The following MECOM variants were observed in gnomAD, a reference collection of about 807,000 sequenced individuals.
MECOM encodes the protein MDS1 and EVI1 complex locus.
MECOM carries 13 observed loss-of-function variants against 116.3 expected under a neutral mutation model. That is an observed-to-expected ratio of 0.11 (90% CI 0.07 to 0.18). The LOEUF is 0.18. MECOM is among the 10% of genes least tolerant of loss of function. The pLI, the probability that MECOM is intolerant of heterozygous loss-of-function variation, is 1.00. For synonymous variants in MECOM, 528 were observed against 535.2 expected, an observed-to-expected ratio of 0.99 and a Z score of 0.19; for missense variants, 1,299 against 1,509.0, an observed-to-expected ratio of 0.86 and a Z score of 2.31.
chr3:169,245,048 C>T (rs970143066), intron 2 of MECOM, among the ~76,000 whole-genome samples: 3 of 152,108 alleles, frequency 2.0e-5, no homozygotes, highest in Admixed American at 2.0e-4. Context: ...AAATTTTAAT[C>T]CTGTTTTAAC....
intron 1 of MECOM, among the ~76,000 whole-genome samples, chr3:169,409,182 G>A (rs1176778057): frequency 6.6e-6 from 1 of 152,176 alleles, no homozygotes; most frequent in Non-Finnish European, 1.5e-5. Flanking sequence ...CCTAAGGCCC[G>A]AGCTGAGAAG....
chr3:169,545,356 A>G (rs1011383378), intron 1 of MECOM, among the ~76,000 whole-genome samples: 6 of 152,194 alleles, frequency 3.9e-5, no homozygotes, highest in African/African-American at 1.4e-4. Context: ...TCTCTCCTCA[A>G]TTTAAACACC....
intron 1 of MECOM, among the ~76,000 whole-genome samples, chr3:169,524,394 T>C (rs1226994913): frequency 1.3e-5 from 2 of 151,914 alleles, no homozygotes; most frequent in Non-Finnish European, 2.9e-5. Flanking sequence ...TAAACAAACT[T>C]AAAAAAGGAA....
intron 1 of MECOM, among the ~76,000 whole-genome samples, chr3:169,536,008 C>G (rs1759304221): frequency 6.6e-6 from 1 of 152,196 alleles, no homozygotes; most frequent in South Asian, 2.1e-4. Flanking sequence ...TCACTCTGTT[C>G]AGACTGTGCT....
At chr3:169,221,567 T>TAAAA (rs34439968) in intron 2 of MECOM, among the ~76,000 whole-genome samples, 33 of 132,394 alleles carry the variant, frequency 2.5e-4, no homozygotes, top group African/African-American at 8.8e-4. Flanking sequence ...AAAGAGATGT[T>TAAAA]AAAAAAAAAA....
At chr3:169,533,609 G>T (rs1758949229) in intron 1 of MECOM, among the ~76,000 whole-genome samples, 1 of 95,274 alleles carries the variant, frequency 1.0e-5, no homozygotes, top group Non-Finnish European at 2.3e-5. Flanking sequence ...TATGTCGTTG[G>T]GGGCCTGGAG....
At chr3:169,222,324 G>A (rs960275914) in intron 2 of MECOM, among the ~76,000 whole-genome samples, 2 of 152,160 alleles carry the variant, frequency 1.3e-5, no homozygotes, top group African/African-American at 4.8e-5. Context: ...CTATGGTTTC[G>A]AAATTAATTC....
chr3:169,349,075 C>T (rs1334539433), intron 2 of MECOM, among the ~76,000 whole-genome samples: 2 of 151,086 alleles, frequency 1.3e-5, no homozygotes, highest in Admixed American at 1.3e-4. Context: ...TCATCCTCCC[C>T]TTTCCCCCCT....
intron 1 of MECOM, among the ~76,000 whole-genome samples, chr3:169,475,291 C>T (rs759291119): frequency 1.1e-4 from 16 of 152,110 alleles, no homozygotes; most frequent in Non-Finnish European, 2.2e-4. Flanking sequence ...CCTAATATAA[C>T]CATTTTAGTT....
chr3:169,558,847 TAA>T (rs1394826938), intron 1 of MECOM, among the ~76,000 whole-genome samples: 2 of 152,124 alleles, frequency 1.3e-5, no homozygotes, highest in South Asian at 4.1e-4. Context: ...TACCAATGCT[TAA>T]ACCTTTGGGA....
At chr3:169,219,994 TAAATA>T (rs1751925467) in intron 2 of MECOM, among the ~76,000 whole-genome samples, 1 of 149,622 alleles carries the variant, frequency 6.7e-6, no homozygotes, top group Non-Finnish European at 1.5e-5. Flanking sequence ...TTAACAAATA[TAAATA>T]TAAGTAAATA....
Position 169,638,248 on chromosome 3 carries a change from C to T in MECOM, c.37+25088G>A, listed in dbSNP as rs530347237. Among the ~76,000 whole-genome samples the T allele has an allele frequency of 3.3e-5, 5 of 152,234 alleles. No homozygotes were observed. In the South Asian group the frequency reaches 1.0e-3, roughly 32 times the overall value. ...ATTTTGAATTTCATAAAACCACCTCCCTCCTAACTACTCACCTTCCTCTCA... is the reference window on the plus strand; with the variant it reads ...ATTTTGAATTTCATAAAACCACCTCTCTCCTAACTACTCACCTTCCTCTCA... On this transcript the variant is annotated intron_variant, in intron 1 of 16. Coordinates refer to ENST00000651503, the MANE Select transcript of MECOM (RefSeq NM_004991.4).
intron 1 of MECOM, among the ~76,000 whole-genome samples, chr3:169,446,029 G>A (rs1744571217): frequency 1.3e-5 from 2 of 152,150 alleles, no homozygotes; most frequent in South Asian, 2.1e-4. Context: ...TGATTTTACA[G>A]GCTCATAGGT....
chr3:169,144,819 T>C (rs1171723166), intron 2 of MECOM, among the ~76,000 whole-genome samples: 2 of 152,148 alleles, frequency 1.3e-5, no homozygotes. Flanking sequence ...AAGTTTCCTA[T>C]CAAAGACTAA....
At chr3:169,085,505 T>C (rs1306616539) in intron 16 of MECOM, among the ~76,000 whole-genome samples, 1 of 152,188 alleles carries the variant, frequency 6.6e-6, no homozygotes, top group Non-Finnish European at 1.5e-5. Context: ...GCACTGAAGG[T>C]GCTTGAGTGA....
At chr3:169,302,573 G>C (rs1453596705) in intron 2 of MECOM, among the ~76,000 whole-genome samples, 1 of 152,124 alleles carries the variant, frequency 6.6e-6, no homozygotes. Flanking sequence ...AATTTTAAAA[G>C]TGTAATATTT....
intron 1 of MECOM, among the ~76,000 whole-genome samples, chr3:169,396,178 C>T (rs189674944): frequency 5.9e-5 from 9 of 152,274 alleles, no homozygotes; most frequent in African/African-American, 2.2e-4. Context: ...TACAATATCA[C>T]AAGAAATTCA....
intron 1 of MECOM, among the ~76,000 whole-genome samples, chr3:169,661,899 G>A (rs1776330937): frequency 6.6e-6 from 1 of 152,214 alleles, no homozygotes; most frequent in Non-Finnish European, 1.5e-5. Flanking sequence ...TGTTTTCGGC[G>A]AGTGCGAGTG....
intron 1 of MECOM, among the ~76,000 whole-genome samples, chr3:169,577,586 T>C (rs1023684230): frequency 6.6e-6 from 1 of 151,970 alleles, no homozygotes; most frequent in Non-Finnish European, 1.5e-5. Flanking sequence ...ACCAGACTCA[T>C]AGTGTTAGGC....
Sources: allele counts gnomAD v4.1 joint callset (sites outside exome capture counted in the v4.1 genomes callset), GRCh38; gene constraint gnomAD v4.1.1; transcripts MANE v1.5; gene names NCBI Gene and HGNC (gene_info 2026-07-23, HGNC 2026-07-21).